The following ITFG1 variants were observed in gnomAD, a reference collection of about 807,000 sequenced individuals.
ITFG1 encodes T-cell immunomodulatory protein.
A neutral mutation model predicts 81.8 loss-of-function variants in ITFG1; 34 were observed. That is an observed-to-expected ratio of 0.42 (90% CI 0.32 to 0.55). The LOEUF (loss-of-function observed/expected upper bound fraction) is 0.55, where lower values mean the gene tolerates loss of function less well. ITFG1 is among the 20% of genes least tolerant of loss of function. The pLI, the probability that ITFG1 is intolerant of heterozygous loss-of-function variation, is 0.17. For synonymous variants in ITFG1, 285 were observed against 270.6 expected (o/e 1.05, Z -0.52); for missense variants, 672 against 755.4 (o/e 0.89, Z 1.29).
chr16:47,285,384 A>G (rs1391725036), intron 10 of ITFG1, among the ~76,000 whole-genome samples: 2 of 152,164 alleles, frequency 1.3e-5, no homozygotes, highest in African/African-American at 2.4e-5. Flanking sequence ...CTCTTCATCT[A>G]TATCTTTTAT....
intron 10 of ITFG1, among the ~76,000 whole-genome samples, chr16:47,300,441 C>T (rs928499340): frequency 6.6e-6 from 1 of 152,122 alleles, no homozygotes; most frequent in African/African-American, 2.4e-5. Context: ...TTCTTCACAC[C>T]CCTGAGGGCA....
intron 6 of ITFG1, among the ~76,000 whole-genome samples, chr16:47,418,969 AGAT>A (rs1968907040): frequency 6.6e-6 from 1 of 152,204 alleles, no homozygotes; most frequent in Non-Finnish European, 1.5e-5. Context: ...CTGAATTTGT[AGAT>A]TGCTTTTGGA....
rs1295546377 is a variant in ITFG1 at position 47,216,323 on chromosome 16, A to G, written c.1453+2545T>C. Among the ~76,000 whole-genome samples, 5 of 152,014 alleles carry G rather than the reference A, an allele frequency of 3.3e-5. No individual in the cohort carries two copies. In the East Asian group the frequency reaches 9.7e-4, roughly 29 times the overall value. On this transcript the variant is annotated intron_variant, in intron 14 of 17. Coordinates refer to ENST00000320640, the MANE Select transcript of ITFG1 (RefSeq NM_030790.5). ...GTCTCCTGCCCCAGCCTCCCGAAGT[A>G]GCTGGGACTACAGGCATGTGCCACC... is the stretch of plus-strand genomic sequence containing the variant.
intron 14 of ITFG1, among the ~76,000 whole-genome samples, chr16:47,184,728 C>T (rs1050811097): frequency 3.3e-5 from 5 of 151,778 alleles, no homozygotes; most frequent in African/African-American, 9.7e-5. Flanking sequence ...AACTAATGAG[C>T]AAAATAACCA....
chr16:47,425,598 T>C (rs2151608414), intron 6 of ITFG1, among the ~76,000 whole-genome samples: 1 of 151,422 alleles, frequency 6.6e-6, no homozygotes, highest in East Asian at 1.9e-4. Context: ...CCTTTTTTTT[T>C]TTTTTTTTTC....
chr16:47,391,690 T>C (rs760114173), intron 6 of ITFG1, among the ~76,000 whole-genome samples: 1 of 152,230 alleles, frequency 6.6e-6, no homozygotes, highest in African/African-American at 2.4e-5. Flanking sequence ...AAGATCCTTT[T>C]TGAAAGTCAG....
At chr16:47,272,686 G>A (rs1966355884) in intron 10 of ITFG1, among the ~76,000 whole-genome samples, 1 of 151,982 alleles carries the variant, frequency 6.6e-6, no homozygotes, top group Non-Finnish European at 1.5e-5. Flanking sequence ...GTGAGCCATT[G>A]CGCCCAGCCT....
Position 47,460,911 on chromosome 16 carries a change from C to G in ITFG1, c.135G>C (p.Glu45Asp), listed in dbSNP as rs11559043. ...CGAAAGCCGCAAGGGTGCCCCAGGC[C>G]TCGGCCCCAAAGAGCTCGGCCGTGA... ...HNVTAELFGA[E>D]AWGTLAAFGD... The change falls in exon 1 of 18, where the codon GAG (glutamate) becomes GAC (aspartate). Residue 45 changes from glutamate to aspartate, a missense_variant. By Grantham distance (45) the Glu-to-Asp change is conservative. This residue lies in a region of ITFG1 where 560 missense variants were observed against 625.7 expected (regional missense o/e 0.90). Coordinates refer to ENST00000320640, the MANE Select transcript of ITFG1 (RefSeq NM_030790.5). 3 of 1,613,236 alleles carry G rather than the reference C, an allele frequency of 1.9e-6. No individual in the cohort carries two copies. In the African/African-American group the frequency reaches 4.0e-5, roughly 22 times the overall value.
intron 6 of ITFG1, among the ~76,000 whole-genome samples, chr16:47,419,438 T>C (rs1968914806): frequency 6.6e-6 from 1 of 151,758 alleles, no homozygotes; most frequent in African/African-American, 2.4e-5. Context: ...CCAGCTAATT[T>C]TTTAGTACTT....
At chr16:47,291,947 C>T (rs1966911791) in intron 10 of ITFG1, among the ~76,000 whole-genome samples, 1 of 150,412 alleles carries the variant, frequency 6.6e-6, no homozygotes, top group African/African-American at 2.4e-5. Flanking sequence ...TTTCTGGTAA[C>T]TGTTGATTTC....
chr16:47,391,836 T>C (rs966944353), intron 6 of ITFG1, among the ~76,000 whole-genome samples: 10 of 152,212 alleles, frequency 6.6e-5, no homozygotes, highest in African/African-American at 2.4e-4. Flanking sequence ...GATGCATTAA[T>C]ATCCTAGGAA....
At chr16:47,183,878 G>GA (rs1965169997) in intron 14 of ITFG1, among the ~76,000 whole-genome samples, 1 of 152,044 alleles carries the variant, frequency 6.6e-6, no homozygotes, top group Non-Finnish European at 1.5e-5. Flanking sequence ...CAAAGAAGTT[G>GA]AAAACTTTGA....
intron 10 of ITFG1, among the ~76,000 whole-genome samples, chr16:47,265,619 C>T (rs1966267206): frequency 1.3e-5 from 2 of 152,090 alleles, no homozygotes; most frequent in African/African-American, 4.8e-5. Flanking sequence ...TGTATAAACA[C>T]TACAGTATTC....
chr16:47,199,352 G>A (rs1752526194), intron 14 of ITFG1, among the ~76,000 whole-genome samples: 1 of 152,158 alleles, frequency 6.6e-6, no homozygotes, highest in Admixed American at 6.5e-5. Flanking sequence ...ATATACAATA[G>A]TGCATAGTAA....
intron 6 of ITFG1, among the ~76,000 whole-genome samples, chr16:47,395,745 A>G (rs1356568256): frequency 6.6e-6 from 1 of 152,244 alleles, no homozygotes; most frequent in Non-Finnish European, 1.5e-5. Flanking sequence ...CTGTTTTTAA[A>G]TGGAGTTTCT....
intron 14 of ITFG1, 151 bp from the exon 15 acceptor site, chr16:47,162,815 GA>G (rs1457225226): frequency 6.1e-6 from 4 of 661,044 alleles, no homozygotes; most frequent in Non-Finnish European, 9.7e-6. Context: ...TAATATTAAT[GA>G]TTCACTTTTT....
chr16:47,451,844 T>C (rs1297098804), intron 4 of ITFG1, among the ~76,000 whole-genome samples: 2 of 152,202 alleles, frequency 1.3e-5, no homozygotes, highest in African/African-American at 4.8e-5. Context: ...ATTCGTTTTG[T>C]GAGATTTTGG....
intron 5 of ITFG1, among the ~76,000 whole-genome samples, chr16:47,446,685 G>C (rs1437408840): frequency 2.6e-5 from 4 of 151,986 alleles, no homozygotes; most frequent in Non-Finnish European, 2.9e-5. Context: ...GTATTTGTAA[G>C]GCATTTTCAA....
chr16:47,252,476 G>C (rs1966087949), intron 12 of ITFG1, among the ~76,000 whole-genome samples: 1 of 152,218 alleles, frequency 6.6e-6, no homozygotes, highest in Admixed American at 6.5e-5. Context: ...ATCCAGGTTT[G>C]TTAGAAATGA....
Sources: allele counts gnomAD v4.1 joint callset (sites outside exome capture counted in the v4.1 genomes callset), GRCh38; gene constraint gnomAD v4.1.1; regional missense constraint gnomAD v4.1.1; transcripts MANE v1.5; gene names NCBI Gene and HGNC (gene_info 2026-07-23, HGNC 2026-07-21).